The following SRRM3 variants were observed in gnomAD, a reference collection of about 807,000 sequenced individuals.
SRRM3 encodes the protein serine/arginine repetitive matrix protein 3.
Under a neutral mutation model 66.2 loss-of-function variants are expected in SRRM3, and 27 were observed. That is an observed-to-expected ratio of 0.41 (90% CI 0.30 to 0.56). The LOEUF (loss-of-function observed/expected upper bound fraction) is 0.56. SRRM3 is among the 20% of genes least tolerant of loss of function. The probability of loss-of-function intolerance (pLI) is 0.32; values close to 1 mark genes in which losing one functional copy is unlikely to be tolerated. For synonymous variants in SRRM3, 391 were observed against 414.9 expected (o/e 0.94, Z 0.70); for missense variants, 918 against 991.9 (o/e 0.93, Z 1.00).
chr7:76,256,423 C>G (rs547267248), intron 3 of SRRM3, among the ~76,000 whole-genome samples: 1 of 151,800 alleles, frequency 6.6e-6, no homozygotes, highest in Non-Finnish European at 1.5e-5. Flanking sequence ...AGGAGAATCG[C>G]TTGAACCCTG....
chr7:76,261,033 A>G, intron 6 of SRRM3, 130 bp downstream of exon 6: 2 of 995,306 alleles, frequency 2.0e-6, no homozygotes, highest in Non-Finnish European at 2.9e-6. Context: ...CCAAGGTGCA[A>G]GTTTTGCCCC....
intron 2 of SRRM3, among the ~76,000 whole-genome samples, chr7:76,244,923 G>A (rs1801401017): frequency 6.6e-6 from 1 of 152,358 alleles, no homozygotes. Flanking sequence ...CATGGGGCCA[G>A]GTGCTGGGAC....
At position 76,282,699 on chromosome 7, in the gene SRRM3, G is replaced by T; in HGVS notation, c.1422G>T (p.Pro474=). Residue 474 remains proline, a synonymous_variant, in exon 13 of 15, where the codon CCG becomes CCT. Coordinates refer to ENST00000611745, the MANE Select transcript of SRRM3 (RefSeq NM_001110199.3). The part of the protein sequence containing the change: ...RARPASTSPS[P]GAHGRRGGPE... ...GGCCCGCCAGCACCTCTCCGTCCCC[G>T]GGCGCGCACGGCCGGCGCGGCGGCC... 6.3e-6 allele frequency: 9 copies of T among 1,418,736 alleles called. No homozygotes were observed. The highest frequency in any genetic ancestry group is 4.4e-5 in the South Asian group (3 of 68,960). The allele number at this position is 1,418,736 out of a possible 1,614,324, so 87.9% of individuals were successfully genotyped here. A position where few individuals can be genotyped will look rare whatever the true frequency, so the allele number is the denominator to read the frequency against.
chr7:76,283,987 G>A (rs1802597394), intron 14 of SRRM3, among the ~76,000 whole-genome samples: 1 of 152,070 alleles, frequency 6.6e-6, no homozygotes, highest in Admixed American at 6.5e-5. Context: ...TCTGGGCCTC[G>A]GTTGCCACAT....
intron 2 of SRRM3, among the ~76,000 whole-genome samples, chr7:76,242,854 G>A (rs1801344390): frequency 1.3e-5 from 2 of 152,190 alleles, no homozygotes; most frequent in African/African-American, 4.8e-5. Flanking sequence ...GGTAATGGGA[G>A]TGATAGGGAG....
chr7:76,266,817 C>T (rs1276418737), intron 10 of SRRM3, among the ~76,000 whole-genome samples: 3 of 150,644 alleles, frequency 2.0e-5, no homozygotes, highest in African/African-American at 4.9e-5. Context: ...AGATTACAGG[C>T]GTGCACCACC....
rs1554608310 is a variant in SRRM3, at chr7:76,260,002, G to A, written c.432G>A (p.Pro144=). ...ACGGCCCAGTGGACTGTGACTGCCC[G>A]GCCTCCTGCTACCGCGGCCACCGCG... ...DDDGPVDCDC[P]ASCYRGHRGY... is the part of the protein sequence containing the mutation. The change falls in exon 4 of 15, where the codon CCG becomes CCA. Residue 144 remains proline, a synonymous_variant. Transcript: ENST00000611745. 3 of 1,588,180 alleles carry A rather than the reference G, an allele frequency of 1.9e-6. No individual in the cohort carries two copies. The highest frequency in any genetic ancestry group is 1.7e-6 in the Non-Finnish European group (2 of 1,172,870).
chr7:76,257,443 TAAAAAAA>T lies in SRRM3; in HGVS notation c.336-2447_336-2441del, dbSNP rs34478728. On this transcript the variant is annotated intron_variant, in intron 3 of 14. Coordinates refer to ENST00000611745, the MANE Select transcript of SRRM3 (RefSeq NM_001110199.3). ...AGGGTCACTTCCAGGCTTGTTCAAT[TAAAAAAA>T]AAAAAAAAAAAAAAAGAAGGCCAGG... 1.0e-4 allele frequency among the ~76,000 whole-genome samples: 10 copies of T among 95,272 alleles called. No individual in the cohort carries two copies. The South Asian group carries it at 3.2e-3, about 31-fold the overall frequency. The allele number at this position is 95,272 out of a possible 152,430, so 62.5% of individuals were successfully genotyped here.
rs1400278679 is a variant in SRRM3 at position 76,281,746 on chromosome 7, C to T, written c.1314C>T (p.Ala438=). ...SSSDSGSGRG[A]PGPGPEPGSE... ...GCGACTCCGGCAGCGGCCGCGGCGC[C>T]CCCGGCCCCGGGCCCGAGCCCGGCT... Residue 438 remains alanine, a synonymous_variant, in exon 12 of 15, where the codon GCC becomes GCT. Transcript: ENST00000611745. The T allele has an allele frequency of 1.3e-5, 17 of 1,348,246 alleles. No homozygotes were observed. The highest frequency in any genetic ancestry group is 3.1e-5 in the African/African-American group (2 of 64,772). The allele number at this position is 1,348,246 out of a possible 1,614,324, so 83.5% of individuals were successfully genotyped here. A position where few individuals can be genotyped will look rare whatever the true frequency, so the allele number is the denominator to read the frequency against.
intron 1 of SRRM3, among the ~76,000 whole-genome samples, chr7:76,215,021 G>A (rs1369648945): frequency 6.9e-6 from 1 of 143,978 alleles, no homozygotes. Context: ...CAACTGCTAG[G>A]ATGACGTGCA....
chr7:76,223,020 A>G (rs1800764552), intron 1 of SRRM3, among the ~76,000 whole-genome samples: 1 of 151,650 alleles, frequency 6.6e-6, no homozygotes, highest in Admixed American at 6.6e-5. Flanking sequence ...GCCAACTCCT[A>G]CTTATGCTTC....
chr7:76,255,148 C>CTTTTTTTTTTTTTTTTTTTTTTT (rs57880700), intron 3 of SRRM3, among the ~76,000 whole-genome samples: 8 of 83,178 alleles, frequency 9.6e-5, no homozygotes, highest in African/African-American at 4.4e-4. Flanking sequence ...TTCTTTCTTT[C>CTTTTTTTTTTTTTTTTTTTTTTT]TTTTTTTTTT....
Position 76,235,203 on chromosome 7 carries a change from T to G in SRRM3, c.137T>G (p.Leu46Arg), listed in dbSNP as rs782297522. 1 of 1,550,694 alleles carries G rather than the reference T, an allele frequency of 6.4e-7. No homozygotes were observed. The highest frequency in any genetic ancestry group is 8.6e-7 in the Non-Finnish European group (1 of 1,156,772). ...GAGCTGCGCGCCGCGGAGCCGGGCCTGGTGAAGCGCGCGCACCGCGAGATC... is the reference window on the plus strand; with the variant it reads ...GAGCTGCGCGCCGCGGAGCCGGGCCGGGTGAAGCGCGCGCACCGCGAGATC... ...EEELRAAEPG[L>R]VKRAHREILD... Residue 46 changes from leucine to arginine, a missense_variant, in exon 2 of 15, where the codon CTG (leucine) becomes CGG (arginine). Leu to Arg is a moderately radical substitution (Grantham distance 102, BLOSUM62 -2). Transcript: ENST00000611745.
At chr7:76,227,218 C>G (rs1488594090) in intron 1 of SRRM3, among the ~76,000 whole-genome samples, 1 of 151,900 alleles carries the variant, frequency 6.6e-6, no homozygotes, top group African/African-American at 2.4e-5. Context: ...AGGGTAAAGA[C>G]TTCCCATGTG....
At position 76,265,506 on chromosome 7, in the gene SRRM3, G is replaced by C. The variant is rs782121189; in HGVS notation, c.830+38G>C. The C allele has an allele frequency of 7.2e-5, 111 of 1,544,070 alleles. 1 individual carries two copies. The highest frequency in any genetic ancestry group is 8.1e-5 in the Non-Finnish European group (91 of 1,128,660). On this transcript the variant is annotated intron_variant, in intron 10 of 14. Transcript: ENST00000611745. ...CTCTGGGAGGCTTTCTCCTGGTGGG[G>C]GATGAGGGTTGCAGATTAAACACCC...
At chr7:76,204,013 G>T (rs1298777775) in intron 1 of SRRM3, among the ~76,000 whole-genome samples, 5 of 152,078 alleles carry the variant, frequency 3.3e-5, no homozygotes, top group Admixed American at 2.6e-4. Flanking sequence ...CCTGCCAAAG[G>T]GGGGGTCTGG....
intron 1 of SRRM3, among the ~76,000 whole-genome samples, chr7:76,217,516 C>T (rs554747856): frequency 1.3e-5 from 2 of 152,226 alleles, no homozygotes; most frequent in African/African-American, 4.8e-5. Context: ...AATTGCTGAC[C>T]TCAGGTGATC....
rs114099661 is a variant in SRRM3, at chr7:76,254,092, T to C, written c.335+5803T>C. On this transcript the variant is annotated intron_variant, in intron 3 of 14. Coordinates refer to ENST00000611745, the MANE Select transcript of SRRM3 (RefSeq NM_001110199.3). ...GTGCAGTGACACAATCACAGCTCAT[T>C]GCTGCCTTGAACTCCTGGGCTCAAG... is the stretch of plus-strand genomic sequence containing the variant. Among the ~76,000 whole-genome samples, 1,226 of 152,210 alleles carry C rather than the reference T, an allele frequency of 8.1e-3. 19 individuals are homozygous for C. Among genetic ancestry groups the C allele is most frequent in the African/African-American group, 0.028 (1,150 of 41,558 alleles).
intron 1 of SRRM3, among the ~76,000 whole-genome samples, chr7:76,214,101 T>C (rs1327244593): frequency 6.6e-6 from 1 of 152,036 alleles, no homozygotes; most frequent in Non-Finnish European, 1.5e-5. Context: ...TAGGGTGGAA[T>C]AGTTTCCCAG....
Sources: allele counts gnomAD v4.1 joint callset (sites outside exome capture counted in the v4.1 genomes callset), GRCh38; gene constraint gnomAD v4.1.1; transcripts MANE v1.5; gene names NCBI Gene and HGNC (gene_info 2026-07-23, HGNC 2026-07-21).